Variants in MRGPRE observed in about 807,000 individuals in gnomAD.
MRGPRE encodes the protein MAS related GPR family member E.
For synonymous variants in MRGPRE, 229 were observed against 206.7 expected (o/e 1.11, Z -0.92); for missense variants, 466 against 433.4 (o/e 1.08, Z -0.67).
rs1481999242 is a variant in MRGPRE at position 3,228,385 on chromosome 11, G to A, written c.415C>T (p.Leu139=). The A allele has an allele frequency of 8.2e-6, 13 of 1,594,910 alleles. No homozygotes were observed. The highest frequency in any genetic ancestry group is 1.1e-5 in the Non-Finnish European group (13 of 1,173,006). The change falls in exon 2 of 2, where the codon CTG becomes TTG. Residue 139 remains leucine, a synonymous_variant. Coordinates refer to ENST00000389832, the MANE Select transcript of MRGPRE (RefSeq NM_001039165.4). ...AWYSCRRPRH[L]TTCVCALTWA... is the part of the protein sequence containing the mutation. ...GTGAGGGCGCACACACAGGTGGTCA[G>A]GTGGCGTGGGCGGCGGCACGAGTAC... is the stretch of plus-strand genomic sequence containing the variant.
In MRGPRE at chr11:3,230,131, C is replaced by T. The variant is rs752270029; in HGVS notation, c.-61-1271G>A. 1.7e-4 allele frequency among the ~76,000 whole-genome samples: 26 copies of T among 152,154 alleles called. No homozygotes were observed. Among genetic ancestry groups the T allele is most frequent in the Non-Finnish European group, 3.7e-4 (25 of 68,020 alleles). The stretch of plus-strand genomic sequence containing the variant: ...CTGCAGATACCCGGCCCCATGCTGC[C>T]CCTGTGGTTACCTGGCCCGTCATGT... On this transcript the variant is annotated intron_variant, in intron 1 of 1. Coordinates refer to ENST00000389832, the MANE Select transcript of MRGPRE (RefSeq NM_001039165.4). The surrounding 1 kb of genome is among the most constrained non-coding windows in gnomAD (Gnocchi z 5.5).
rs1423332663 is a variant in MRGPRE at position 3,231,938 on chromosome 11, T to A, written c.-62+203A>T. 1.3e-5 allele frequency among the ~76,000 whole-genome samples: 2 copies of A among 152,092 alleles called. No homozygotes were observed. The highest frequency in any genetic ancestry group is 4.8e-5 in the African/African-American group (2 of 41,408). ...CCCAAGCTATCGTCCTCTTCCAGACTCAGCCCAGGGCTGGCTGCGGACCAG... is the reference window on the plus strand; with the variant it reads ...CCCAAGCTATCGTCCTCTTCCAGACACAGCCCAGGGCTGGCTGCGGACCAG... On this transcript the variant is annotated intron_variant, in intron 1 of 1. Transcript: ENST00000389832. This position sits in a 1 kb window ranked among gnomAD's most constrained non-coding sequence, Gnocchi z 4.7.
rs1262256863 is a variant in MRGPRE at position 3,227,925 on chromosome 11, T to A, written c.875A>T (p.Asp292Val). 9.3e-6 allele frequency: 14 copies of A among 1,509,446 alleles called. No homozygotes were observed. Among genetic ancestry groups the A allele is most frequent in the African/African-American group, 1.4e-5 (1 of 72,080 alleles). 93.5% of individuals were successfully genotyped at this position (1,509,446 alleles called of 1,614,324 possible). ...CCTGACGGCCCCCAGCTCAGCCTCG[T>A]CTCCCAGCGCTCGCTGGAGGACCAG... ...LRLVLQRALG[D>V]EAELGAVRET... is the part of the protein sequence containing the mutation. Residue 292 changes from aspartate (D) to valine (V), a missense_variant, in exon 2 of 2, where the codon GAC becomes GTC. By Grantham distance (152) the Asp-to-Val change is radical. Transcript: ENST00000389832.
Position 3,231,943 on chromosome 11 carries a change from C to T in MRGPRE, c.-62+198G>A, listed in dbSNP as rs560882981. 6.6e-6 allele frequency among the ~76,000 whole-genome samples: 1 copy of T among 152,248 alleles called. No individual in the cohort carries two copies. Among genetic ancestry groups the T allele is most frequent in the South Asian group, 2.1e-4 (1 of 4,824 alleles). On this transcript the variant is annotated intron_variant, in intron 1 of 1. Coordinates refer to ENST00000389832, the MANE Select transcript of MRGPRE (RefSeq NM_001039165.4). This position sits in a 1 kb window ranked among gnomAD's most constrained non-coding sequence, Gnocchi z 4.7. ...GCTATCGTCCTCTTCCAGACTCAGC[C>T]CAGGGCTGGCTGCGGACCAGGTGGT...
Position 3,232,229 on chromosome 11 carries a change from A to G in MRGPRE, c.-150T>C, listed in dbSNP as rs1189571404. The G allele has an allele frequency of 6.6e-6, 1 of 152,374 alleles. No individual in the cohort carries two copies. Among genetic ancestry groups the G allele is most frequent in the African/African-American group, 2.4e-5 (1 of 41,446 alleles). The allele number at this position is 152,374 out of a possible 1,614,324, so 9.4% of individuals were successfully genotyped here. ...GCCGCGGCCGAGGGCTCCAGTCCCC[A>G]GAGCCTCTGGGCGGCTCCTGTTCAG... is the stretch of plus-strand genomic sequence containing the variant. On this transcript the variant is annotated 5_prime_UTR_variant, in exon 1 of 2. Transcript: ENST00000389832.
At position 3,232,259 on chromosome 11, in the gene MRGPRE, C is replaced by T. The variant is rs910390406; in HGVS notation, c.-180G>A. 1 of 152,490 alleles carries T rather than the reference C, an allele frequency of 6.6e-6. No homozygotes were observed. Among genetic ancestry groups the T allele is most frequent in the African/African-American group, 2.4e-5 (1 of 41,480 alleles). 9.4% of individuals were successfully genotyped at this position (152,490 alleles called of 1,614,324 possible). A position where few individuals can be genotyped will look rare whatever the true frequency, so the allele number is the denominator to read the frequency against. On this transcript the variant is annotated 5_prime_UTR_variant, in exon 1 of 2. Coordinates refer to ENST00000389832, the MANE Select transcript of MRGPRE (RefSeq NM_001039165.4). ...CTCTGGGCGGCTCCTGTTCAGTGTCCACCAGCTCCTCCGAGTCACATGGCA... is the reference window on the plus strand; with the variant it reads ...CTCTGGGCGGCTCCTGTTCAGTGTCTACCAGCTCCTCCGAGTCACATGGCA...
At position 3,225,796 on chromosome 11, in the gene MRGPRE, C is replaced by T. The variant is rs1380267779; in HGVS notation, c.*2065G>A. On this transcript the variant is annotated 3_prime_UTR_variant, in exon 2 of 2. Coordinates refer to ENST00000389832, the MANE Select transcript of MRGPRE (RefSeq NM_001039165.4). The stretch of plus-strand genomic sequence containing the variant: ...TCCATGGAGACCTCAGATGAGGCCA[C>T]ATTTCCCGGACTCCTCGAGAAGGGG... Among the ~76,000 whole-genome samples, 1 of 152,230 alleles carries T rather than the reference C, an allele frequency of 6.6e-6. No individual in the cohort carries two copies. Among genetic ancestry groups the T allele is most frequent in the Non-Finnish European group, 1.5e-5 (1 of 68,028 alleles).
At position 3,228,381 on chromosome 11, in the gene MRGPRE, G is replaced by T. The variant is rs1483685996; in HGVS notation, c.419C>A (p.Thr140Asn). The change falls in exon 2 of 2, where the codon ACC becomes AAC. Residue 140 changes from threonine (T) to asparagine (N), a missense_variant. Thr to Asn is a moderately conservative substitution (Grantham distance 65, BLOSUM62 0). Coordinates refer to ENST00000389832, the MANE Select transcript of MRGPRE (RefSeq NM_001039165.4). ...WYSCRRPRHL[T>N]TCVCALTWAL... is the part of the protein sequence containing the mutation. ...CCAGGTGAGGGCGCACACACAGGTG[G>T]TCAGGTGGCGTGGGCGGCGGCACGA... The T allele has an allele frequency of 6.3e-7, 1 of 1,592,772 alleles. No homozygotes were observed. The highest frequency in any genetic ancestry group is 8.5e-7 in the Non-Finnish European group (1 of 1,172,066).
rs1469447335 is a variant in MRGPRE at position 3,232,235 on chromosome 11, T to G, written c.-156A>C. On this transcript the variant is annotated 5_prime_UTR_variant, in exon 1 of 2. Coordinates refer to ENST00000389832, the MANE Select transcript of MRGPRE (RefSeq NM_001039165.4). ...GCCGAGGGCTCCAGTCCCCAGAGCC[T>G]CTGGGCGGCTCCTGTTCAGTGTCCA... The G allele has an allele frequency of 1.3e-5, 2 of 152,338 alleles. No homozygotes were observed. Among genetic ancestry groups the G allele is most frequent in the African/African-American group, 2.4e-5 (1 of 41,456 alleles). 9.4% of individuals were successfully genotyped at this position (152,338 alleles called of 1,614,324 possible). A position where few individuals can be genotyped will look rare whatever the true frequency, so the allele number is the denominator to read the frequency against.
At position 3,230,758 on chromosome 11, in the gene MRGPRE, C is replaced by T. The variant is rs1420612627; in HGVS notation, c.-62+1383G>A. On this transcript the variant is annotated intron_variant, in intron 1 of 1. Coordinates refer to ENST00000389832, the MANE Select transcript of MRGPRE (RefSeq NM_001039165.4). The surrounding 1 kb of genome is among the most constrained non-coding windows in gnomAD (Gnocchi z 5.5). Reference sequence around the variant, plus strand: ...GTCAAGCCTGGTTGGAGATATAGGGCTCTTCCTCCTGTCCCTGTGCTCCAT... The same window carrying T: ...GTCAAGCCTGGTTGGAGATATAGGGTTCTTCCTCCTGTCCCTGTGCTCCAT... Among the ~76,000 whole-genome samples the T allele has an allele frequency of 1.3e-5, 2 of 152,252 alleles. No homozygotes were observed. Among genetic ancestry groups the T allele is most frequent in the East Asian group, 3.9e-4 (2 of 5,160 alleles).
In MRGPRE at chr11:3,229,467, C is replaced by T. The variant is rs138151387; in HGVS notation, c.-61-607G>A. Among the ~76,000 whole-genome samples, 465 of 152,212 alleles carry T rather than the reference C, an allele frequency of 3.1e-3. 3 individuals carry two copies. The highest frequency in any genetic ancestry group is 6.8e-3 in the Middle Eastern group (2 of 292). ...GTCTCGAACTCCTGACCTCGTGATC[C>T]GCCTGCCTTGGACTCCCAAAGAATA... On this transcript the variant is annotated intron_variant, in intron 1 of 1. Transcript: ENST00000389832. This position sits in a 1 kb window ranked among gnomAD's most constrained non-coding sequence, Gnocchi z 4.4.
rs748793044 is a variant in MRGPRE at position 3,228,492 on chromosome 11, C to T, written c.308G>A (p.Arg103His). The stretch of plus-strand genomic sequence containing the variant: ...CAGGCCCACGATGTAGCAGAAGAAG[C>T]GCAGCGTTGCCAGGCTGGTCTGCAC... ...GFVQTSLATLRFFCYIVGLSL... is the reference protein window; with the variant it reads ...GFVQTSLATLHFFCYIVGLSL... The change falls in exon 2 of 2, where the codon CGC becomes CAC. Residue 103 changes from arginine to histidine, a missense_variant. By Grantham distance (29) the Arg-to-His change is conservative. Transcript: ENST00000389832. The T allele has an allele frequency of 6.8e-6, 11 of 1,613,432 alleles. No homozygotes were observed. Among genetic ancestry groups the T allele is most frequent in the Admixed American group, 6.7e-5 (4 of 60,014 alleles).
chr11:3,228,914 TC>T, intron 1 of MRGPRE, 54 bp from the exon 2 acceptor site: 1 of 823,088 alleles, frequency 1.2e-6, no homozygotes. Context: ...CCCCTGCTCC[TC>T]CCCACATCAG....
In MRGPRE at chr11:3,231,485, G is replaced by C. The variant is rs1301223028; in HGVS notation, c.-62+656C>G. Among the ~76,000 whole-genome samples the C allele has an allele frequency of 6.6e-6, 1 of 151,924 alleles. No homozygotes were observed. Among genetic ancestry groups the C allele is most frequent in the Admixed American group, 6.5e-5 (1 of 15,276 alleles). On this transcript the variant is annotated intron_variant, in intron 1 of 1. Coordinates refer to ENST00000389832, the MANE Select transcript of MRGPRE (RefSeq NM_001039165.4). This position sits in a 1 kb window ranked among gnomAD's most constrained non-coding sequence, Gnocchi z 4.7. ...GAGCTCTGTAGGAAGGGTCGCCACAGTTGGGTTACAGGACTGTGGGGAGTA... is the reference window on the plus strand; with the variant it reads ...GAGCTCTGTAGGAAGGGTCGCCACACTTGGGTTACAGGACTGTGGGGAGTA...
Position 3,231,214 on chromosome 11 carries a change from T to C in MRGPRE, c.-62+927A>G, listed in dbSNP as rs537842518. 4.6e-5 allele frequency among the ~76,000 whole-genome samples: 7 copies of C among 151,898 alleles called. No individual in the cohort carries two copies. In the South Asian group the frequency reaches 1.5e-3, roughly 32 times the overall value. Reference sequence around the variant, plus strand: ...ATGGCTGAGGAGGACACGGGCCTCATGGGTGGGCCCCAGGGAGAGAGCATG... The same window carrying C: ...ATGGCTGAGGAGGACACGGGCCTCACGGGTGGGCCCCAGGGAGAGAGCATG... On this transcript the variant is annotated intron_variant, in intron 1 of 1. Coordinates refer to ENST00000389832, the MANE Select transcript of MRGPRE (RefSeq NM_001039165.4). The surrounding 1 kb of genome is among the most constrained non-coding windows in gnomAD (Gnocchi z 4.7).
chr11:3,228,064 T>C lies in MRGPRE; in HGVS notation c.736A>G (p.Ile246Val), dbSNP rs762601794. The change falls in exon 2 of 2, where the codon ATC becomes GTC. Residue 246 changes from isoleucine (I) to valine (V), a missense_variant. By Grantham distance (29) the Ile-to-Val change is conservative. Coordinates refer to ENST00000389832, the MANE Select transcript of MRGPRE (RefSeq NM_001039165.4). ...CTGAAGTGGTAGAAGTAGTGGGGGA[T>C]GTACCAGAGCAGGTTCCGGGACAGC... Reference protein sequence around the residue: ...YWLSRNLLWYIPHYFYHFSFL... With the variant: ...YWLSRNLLWYVPHYFYHFSFL... The C allele has an allele frequency of 1.2e-6, 2 of 1,608,352 alleles. No individual in the cohort carries two copies. Among genetic ancestry groups the C allele is most frequent in the Non-Finnish European group, 1.7e-6 (2 of 1,177,814 alleles).
Position 3,229,139 on chromosome 11 carries a change from A to C in MRGPRE, c.-61-279T>G. Among the ~76,000 whole-genome samples the C allele has an allele frequency of 6.7e-6, 1 of 149,944 alleles. No homozygotes were observed. The highest frequency in any genetic ancestry group is 1.5e-5 in the Non-Finnish European group (1 of 67,714). On this transcript the variant is annotated intron_variant, in intron 1 of 1. Transcript: ENST00000389832. This position sits in a 1 kb window ranked among gnomAD's most constrained non-coding sequence, Gnocchi z 4.4. ...TGTAGGCCAGGTGGGGGCAGGGACC[A>C]GGAGATGTGGGGAGAGGGTCTGAGA...
Position 3,228,254 on chromosome 11 carries a change from C to T in MRGPRE, c.546G>A (p.Ala182=), listed in dbSNP as rs985166450. 31 of 1,551,544 alleles carry T rather than the reference C, an allele frequency of 2.0e-5. No individual in the cohort carries two copies. The highest frequency in any genetic ancestry group is 1.8e-4 in the Middle Eastern group (1 of 5,428). Residue 182 remains alanine, a synonymous_variant, in exon 2 of 2, where the codon GCG becomes GCA. Coordinates refer to ENST00000389832, the MANE Select transcript of MRGPRE (RefSeq NM_001039165.4). ...TGCAACACAGCAGAGCCAGCAGCAC[C>T]GCTGCCACCAGCCACAGCGTCCGGC... is the stretch of plus-strand genomic sequence containing the variant. ...HLCRTLWLVA[A]VLLALLCCTM... is the part of the protein sequence containing the mutation.
rs1464923534 is a variant in MRGPRE at position 3,225,777 on chromosome 11, G to C, written c.*2084C>G. 6.6e-6 allele frequency among the ~76,000 whole-genome samples: 1 copy of C among 152,252 alleles called. No individual in the cohort carries two copies. Among genetic ancestry groups the C allele is most frequent in the Admixed American group, 6.5e-5 (1 of 15,290 alleles). ...GGACGAGCTGGGCCCAGTTTCCATG[G>C]AGACCTCAGATGAGGCCACATTTCC... is the stretch of plus-strand genomic sequence containing the variant. On this transcript the variant is annotated 3_prime_UTR_variant, in exon 2 of 2. Coordinates refer to ENST00000389832, the MANE Select transcript of MRGPRE (RefSeq NM_001039165.4).
Sources: gnomAD v4.1 joint callset for allele counts (sites outside exome capture counted in the v4.1 genomes callset) on GRCh38, gnomAD v4.1.1 for gene constraint, Gnocchi (gnomAD v3.1) non-coding constraint, MANE v1.5 for transcripts, NCBI Gene and HGNC (gene_info 2026-07-23, HGNC 2026-07-21) for gene names.